The following MCU variants were observed in gnomAD, a reference collection of about 807,000 sequenced individuals.
MCU encodes mitochondrial calcium uniporter.
A neutral mutation model predicts 45.2 loss-of-function variants in MCU; 12 were observed. The observed-to-expected ratio is 0.27, with a 90% CI of 0.17 to 0.43. MCU has a LOEUF of 0.43. MCU is among the 20% of genes least tolerant of loss of function. The pLI is 1.00. For synonymous variants in MCU, 160 were observed against 165.1 expected (o/e 0.97, Z 0.24); for missense variants, 324 against 436.7 (o/e 0.74, Z 2.30).
intron 1 of MCU, among the ~76,000 whole-genome samples, chr10:72,811,835 C>T (rs1351108100): frequency 2.0e-5 from 3 of 152,216 alleles, no homozygotes; most frequent in South Asian, 2.1e-4. Context: ...TACCAAAAGA[C>T]CATACTGGCT....
intron 1 of MCU, chr10:72,708,395 T>G (rs1842850098): frequency 6.6e-6 from 1 of 152,204 alleles, no homozygotes; most frequent in Non-Finnish European, 1.5e-5. Flanking sequence ...TACTAGTAAT[T>G]TATTAATTCT....
At chr10:72,807,960 A>G (rs976423850) in intron 1 of MCU, among the ~76,000 whole-genome samples, 10 of 152,228 alleles carry the variant, frequency 6.6e-5, no homozygotes, top group African/African-American at 2.2e-4. Flanking sequence ...CTTAAATGCA[A>G]TCTAGTCAAT....
At position 72,799,733 on chromosome 10, in the gene MCU, A is replaced by G. The variant is rs187672424; in HGVS notation, c.151-34626A>G. ...GAAAAAAAAAGGTAAAGCAAAACCC[A>G]TGTCATTGTTTTTAATAAATGTCAT... On this transcript the variant is annotated intron_variant, in intron 1 of 7. Coordinates refer to ENST00000373053, the MANE Select transcript of MCU (RefSeq NM_138357.3). 3.9e-4 allele frequency among the ~76,000 whole-genome samples: 60 copies of G among 152,284 alleles called. No individual in the cohort carries two copies. In the East Asian group the frequency reaches 0.011, roughly 27 times the overall value.
intron 1 of MCU, among the ~76,000 whole-genome samples, chr10:72,805,099 T>TTCTCTCTCTCTC (rs776609775): frequency 7.0e-5 from 4 of 57,066 alleles, no homozygotes; most frequent in African/African-American, 2.7e-4. Flanking sequence ...CTTTCTTTCT[T>TTCTCTCTCTCTC]TCTCTTTCTT....
chr10:72,832,474 T>C (rs1210705560), intron 1 of MCU, among the ~76,000 whole-genome samples: 1 of 152,092 alleles, frequency 6.6e-6, no homozygotes, highest in Non-Finnish European at 1.5e-5. Context: ...GTTCCTAATA[T>C]TGGACAAGAC....
chr10:72,862,281 G>A (rs1320223535), intron 4 of MCU, among the ~76,000 whole-genome samples: 3 of 151,968 alleles, frequency 2.0e-5, no homozygotes, highest in Non-Finnish European at 2.9e-5. Flanking sequence ...GCACCCGGCC[G>A]AGTTGTGTCT....
In MCU at chr10:72,692,855, C is replaced by A. The variant is rs1438536212; in HGVS notation, c.150+554C>A. On this transcript the variant is annotated intron_variant, in intron 1 of 7. Transcript: ENST00000373053. ...CGAGGGGTCGGGCAGGAAGGAAAAT[C>A]AAACTTTATTCCCCTCTGTGACTTC... 4.9e-6 allele frequency: 7 copies of A among 1,429,146 alleles called. No homozygotes were observed. The Admixed American group carries it at 1.1e-4, about 23-fold the overall frequency. 88.5% of individuals were successfully genotyped at this position (1,429,146 alleles called of 1,614,324 possible).
At chr10:72,849,364 G>C (rs2132854887) in intron 2 of MCU, among the ~76,000 whole-genome samples, 1 of 152,100 alleles carries the variant, frequency 6.6e-6, no homozygotes, top group Non-Finnish European at 1.5e-5. Flanking sequence ...GAATAGTCAA[G>C]GATGCCAGGT....
intron 1 of MCU, among the ~76,000 whole-genome samples, chr10:72,711,660 T>C (rs2132661334): frequency 6.6e-6 from 1 of 151,130 alleles, no homozygotes; most frequent in African/African-American, 2.4e-5. Context: ...CACTGAGCTA[T>C]AATTGGGCCA....
chr10:72,773,157 A>G (rs1350633542), intron 1 of MCU, among the ~76,000 whole-genome samples: 2 of 152,194 alleles, frequency 1.3e-5, no homozygotes, highest in Non-Finnish European at 2.9e-5. Context: ...TTAGCCTTTC[A>G]AAGTGCTGGG....
intron 1 of MCU, among the ~76,000 whole-genome samples, chr10:72,774,389 C>T (rs1392676228): frequency 6.6e-6 from 1 of 151,858 alleles, no homozygotes; most frequent in Non-Finnish European, 1.5e-5. Flanking sequence ...CTCATGGTAA[C>T]CAGAGTACAA....
intron 1 of MCU, among the ~76,000 whole-genome samples, chr10:72,782,804 T>A (rs1328887565): frequency 6.6e-6 from 1 of 152,248 alleles, no homozygotes; most frequent in African/African-American, 2.4e-5. Flanking sequence ...TTATGTATTA[T>A]TCGTATCTTG....
chr10:72,811,180 A>C (rs1844538340), intron 1 of MCU, among the ~76,000 whole-genome samples: 1 of 152,262 alleles, frequency 6.6e-6, no homozygotes, highest in African/African-American at 2.4e-5. Flanking sequence ...ATAATGTAGG[A>C]AAGATAGGCT....
intron 1 of MCU, among the ~76,000 whole-genome samples, chr10:72,788,542 C>T (rs1479860956): frequency 1.3e-5 from 2 of 152,194 alleles, no homozygotes; most frequent in Non-Finnish European, 1.5e-5. Context: ...AGGAGAATCA[C>T]TGGAGCCCAG....
At chr10:72,826,915 AGAC>A (rs1480268665) in intron 1 of MCU, among the ~76,000 whole-genome samples, 1 of 152,236 alleles carries the variant, frequency 6.6e-6, no homozygotes, top group Non-Finnish European at 1.5e-5. Context: ...ATATTTTAAG[AGAC>A]CACATTTGTG....
chr10:72,745,451 A>G (rs915022998), intron 1 of MCU, among the ~76,000 whole-genome samples: 1 of 151,964 alleles, frequency 6.6e-6, no homozygotes, highest in Non-Finnish European at 1.5e-5. Flanking sequence ...CTGGTCTCGA[A>G]CTCCTGACCT....
At chr10:72,726,256 C>CGTGTGTGT (rs60826955) in intron 1 of MCU, among the ~76,000 whole-genome samples, 5,523 of 145,592 alleles carry the variant, frequency 0.038, 164 homozygotes, top group African/African-American at 0.077. Flanking sequence ...CACACACACA[C>CGTGTGTGT]GTGTGTGTGT....
chr10:72,884,444 C>A, intron 7 of MCU, 62 bp downstream of exon 7: 1 of 909,294 alleles, frequency 1.1e-6, no homozygotes, highest in Non-Finnish European at 1.8e-6. Context: ...TATTATTATC[C>A]ACAGCCACGG....
intron 1 of MCU, among the ~76,000 whole-genome samples, chr10:72,695,148 T>TA (rs1285244418): frequency 6.6e-6 from 1 of 152,244 alleles, no homozygotes; most frequent in Non-Finnish European, 1.5e-5. Flanking sequence ...ATTCCATTGC[T>TA]AAAACAAACT....
Sources: allele counts gnomAD v4.1 joint callset (sites outside exome capture counted in the v4.1 genomes callset), GRCh38; gene constraint gnomAD v4.1.1; transcripts MANE v1.5; gene names NCBI Gene and HGNC (gene_info 2026-07-23, HGNC 2026-07-21).